Variants in FLT4 observed in about 807,000 individuals in gnomAD.
FLT4 encodes vascular endothelial growth factor receptor 3.
A neutral mutation model predicts 163.2 loss-of-function variants in FLT4; 30 were observed. The ratio of observed to expected loss-of-function variants is 0.18; its 90% CI spans 0.14 to 0.25. The LOEUF (loss-of-function observed/expected upper bound fraction) is 0.25, where lower values mean the gene tolerates loss of function less well. FLT4 is among the 10% of genes least tolerant of loss of function. The probability of loss-of-function intolerance (pLI) is 1.00; values close to 1 mark genes in which losing one functional copy is unlikely to be tolerated. For missense variants in FLT4, 1,510 were observed against 1,863.8 expected, an observed-to-expected ratio of 0.81 and a Z score of 3.50; for synonymous variants, 884 against 789.5, an observed-to-expected ratio of 1.12 and a Z score of -2.01.
In FLT4 at chr5:180,626,061, GCCT is replaced by G. The variant is rs1272529729; in HGVS notation, c.1259-33_1259-31del. On this transcript the variant is annotated intron_variant, in intron 9 of 29. Transcript: ENST00000261937. ...GGGCACACAGATGGCCGGTCAGCTGGCCTCCAATGCCAGGCCGCCCACCCGTGC... is the reference window on the plus strand; with the variant it reads ...GGGCACACAGATGGCCGGTCAGCTGGCCAATGCCAGGCCGCCCACCCGTGC... 1.9e-6 allele frequency: 3 copies of G among 1,612,600 alleles called. No homozygotes were observed. In the Admixed American group the frequency reaches 5.0e-5, roughly 27 times the overall value.
At position 180,640,256 on chromosome 5, in the gene FLT4, C is replaced by A. The variant is rs973249402; in HGVS notation, c.59-8478G>T. 2.0e-5 allele frequency among the ~76,000 whole-genome samples: 3 copies of A among 152,206 alleles called. 1 individual carries two copies. The South Asian group carries it at 6.2e-4, about 31-fold the overall frequency. ...CTGCCTCATTTGATCCTCACAGCAG[C>A]CTGGGAGGGAGGGCTCAACAGCCAG... On this transcript the variant is annotated intron_variant, in intron 1 of 29. Transcript: ENST00000261937.
chr5:180,606,656 T>A (rs964349853), intron 29 of FLT4, among the ~76,000 whole-genome samples: 1 of 152,226 alleles, frequency 6.6e-6, no homozygotes, highest in Non-Finnish European at 1.5e-5. Context: ...TTTTACTTAA[T>A]TACCTTGTTT....
Position 180,602,769 on chromosome 5 carries a change from A to T in FLT4, c.*423T>A. 6.4e-6 allele frequency: 3 copies of T among 467,378 alleles called. No homozygotes were observed. Among genetic ancestry groups the T allele is most frequent in the Non-Finnish European group, 1.1e-5 (3 of 266,962 alleles). 29.0% of individuals were successfully genotyped at this position (467,378 alleles called of 1,614,324 possible). A position where few individuals can be genotyped will look rare whatever the true frequency, so the allele number is the denominator to read the frequency against. The stretch of plus-strand genomic sequence containing the variant: ...CTGAGGAGGAAAGGGCGTTTGGGAG[A>T]CCTCTGCTCTCGTATGCCTTAACCT... On this transcript the variant is annotated 3_prime_UTR_variant, in exon 30 of 30. Transcript: ENST00000261937.
At chr5:180,629,063 C>T in intron 7 of FLT4, 64 bp from the exon 8 acceptor site, 2 of 1,482,422 alleles carry the variant, frequency 1.3e-6, no homozygotes, top group African/African-American at 2.8e-5. Context: ...CCAGGGACTC[C>T]CCCCACGGCC....
At chr5:180,607,150 C>A (rs1446762424) in intron 29 of FLT4, among the ~76,000 whole-genome samples, 1 of 152,162 alleles carries the variant, frequency 6.6e-6, no homozygotes, top group Non-Finnish European at 1.5e-5. Context: ...TAAATCTATA[C>A]CCTTAAAAGT....
intron 1 of FLT4, among the ~76,000 whole-genome samples, chr5:180,649,074 G>A (rs1265331118): frequency 6.6e-6 from 1 of 151,860 alleles, no homozygotes. Flanking sequence ...TCCGGGGCCC[G>A]GCCGGGATGG....
intron 8 of FLT4, among the ~76,000 whole-genome samples, chr5:180,626,515 C>T (rs931211564): frequency 5.9e-5 from 9 of 152,306 alleles, no homozygotes; most frequent in Middle Eastern, 3.4e-3. Flanking sequence ...GCAGTAGCAC[C>T]TCCTGCCTTG....
At chr5:180,626,913 G>A (rs72818915) in intron 8 of FLT4, among the ~76,000 whole-genome samples, 3,961 of 152,330 alleles carry the variant, frequency 0.026, 97 homozygotes, top group East Asian at 0.11. Context: ...CATTTGGGTG[G>A]GGGCGTGCAG....
At chr5:180,645,986 G>A (rs926611328) in intron 1 of FLT4, among the ~76,000 whole-genome samples, 1 of 152,162 alleles carries the variant, frequency 6.6e-6, no homozygotes, top group African/African-American at 2.4e-5. Context: ...AAACTGCCCT[G>A]TGGAGGAAAA....
chr5:180,625,444 C>T (rs923053735), intron 10 of FLT4, among the ~76,000 whole-genome samples: 3 of 152,216 alleles, frequency 2.0e-5, no homozygotes, highest in African/African-American at 7.2e-5. Flanking sequence ...CATGAGCACA[C>T]ATGGTGTGCC....
chr5:180,626,795 G>A (rs77902465), intron 8 of FLT4, among the ~76,000 whole-genome samples: 12,576 of 152,118 alleles, frequency 0.083, 543 homozygotes, highest in Middle Eastern at 0.12. Context: ...CTGCAGACAT[G>A]TGGGCTTCTT....
At chr5:180,611,979 C>T (rs35252312) in intron 26 of FLT4, among the ~76,000 whole-genome samples, 27,037 of 152,126 alleles carry the variant, frequency 0.18, 2,787 homozygotes, top group Middle Eastern at 0.25. Context: ...GAACTAGACC[C>T]GCAGCACCCA....
intron 1 of FLT4, among the ~76,000 whole-genome samples, chr5:180,642,206 GAAA>G (rs56315811): frequency 3.0e-5 from 4 of 132,178 alleles, no homozygotes; most frequent in South Asian, 2.5e-4. Flanking sequence ...GACTCTGTGT[GAAA>G]AAAAAAAAAA....
intron 1 of FLT4, among the ~76,000 whole-genome samples, chr5:180,646,671 G>A (rs1318815000): frequency 1.3e-5 from 2 of 152,212 alleles, no homozygotes; most frequent in Non-Finnish European, 2.9e-5. Flanking sequence ...GTCCCTGCAA[G>A]GCACAGGAAA....
At chr5:180,613,167 C>G (rs1762346612) in intron 24 of FLT4, 57 bp from the exon 25 acceptor site, 1 of 1,278,050 alleles carries the variant, frequency 7.8e-7, no homozygotes, top group African/African-American at 1.5e-5. Context: ...TCAGCCCAGC[C>G]CCCCAAGTCA....
intron 29 of FLT4, chr5:180,608,206 T>TA (rs972332080): frequency 2.9e-6 from 2 of 700,746 alleles, no homozygotes; most frequent in Non-Finnish European, 5.2e-6. Flanking sequence ...GCGAAAGTCT[T>TA]AAAGTCTTTG....
At chr5:180,616,245 T>C in intron 23 of FLT4, 122 bp downstream of exon 23, 2 of 1,417,516 alleles carry the variant, frequency 1.4e-6, no homozygotes, top group Non-Finnish European at 2.0e-6. Flanking sequence ...GGCACATGGC[T>C]GGCCAACCAA....
intron 1 of FLT4, among the ~76,000 whole-genome samples, chr5:180,632,097 G>A (rs80150566): frequency 7.9e-4 from 120 of 152,258 alleles, no homozygotes; most frequent in African/African-American, 2.6e-3. Flanking sequence ...ATGAAGGAGC[G>A]GGGGAGGGGC....
Position 180,620,150 on chromosome 5 carries a change from G to A in FLT4, c.2542+23C>T, listed in dbSNP as rs780256014. ...GTGGGTCGGGCAGGAGGTGTGGGTT[G>A]GGCAGGCTGGTGCTGGCCTCACCCA... is the stretch of plus-strand genomic sequence containing the variant. On this transcript the variant is annotated intron_variant, in intron 17 of 29. Transcript: ENST00000261937. This position sits in a 1 kb window ranked among gnomAD's most constrained non-coding sequence, Gnocchi z 4.4. 1.9e-6 allele frequency: 3 copies of A among 1,599,650 alleles called. No individual in the cohort carries two copies. In the South Asian group the frequency reaches 3.3e-5, roughly 18 times the overall value.
Sources: allele counts gnomAD v4.1 joint callset (sites outside exome capture counted in the v4.1 genomes callset), GRCh38; gene constraint gnomAD v4.1.1; non-coding constraint Gnocchi (gnomAD v3.1); transcripts MANE v1.5; gene names NCBI Gene and HGNC (gene_info 2026-07-23, HGNC 2026-07-21).